USP34: variants seen among roughly 807,000 people sequenced by gnomAD.
USP34 encodes ubiquitin specific peptidase 34.
Under a neutral mutation model 460.3 loss-of-function variants are expected in USP34, and 70 were observed. The observed-to-expected ratio is 0.15, with a 90% CI of 0.13 to 0.19. USP34 has a LOEUF of 0.19. USP34 is among the 10% of genes least tolerant of loss of function. The probability of loss-of-function intolerance (pLI) is 1.00; values close to 1 mark genes in which losing one functional copy is unlikely to be tolerated. For synonymous variants in USP34, 1,647 were observed against 1,405.3 expected (o/e 1.17, Z -3.85); for missense variants, 3,985 against 4,236.2 (o/e 0.94, Z 1.65).
chr2:61,318,924 G>T (rs563160222), intron 22 of USP34, among the ~76,000 whole-genome samples: 1 of 152,138 alleles, frequency 6.6e-6, no homozygotes, highest in Non-Finnish European at 1.5e-5. Context: ...AAAAGTTATT[G>T]TAATTGTTGA....
chr2:61,395,832 G>C (rs534511223), intron 3 of USP34, among the ~76,000 whole-genome samples: 164 of 149,658 alleles, frequency 1.1e-3, no homozygotes, highest in African/African-American at 3.1e-3. Flanking sequence ...TTGGGAGGCC[G>C]AGGCGGGTGG....
At chr2:61,337,757 A>G (rs1224384432) in intron 18 of USP34, among the ~76,000 whole-genome samples, 1 of 152,098 alleles carries the variant, frequency 6.6e-6, no homozygotes, top group Non-Finnish European at 1.5e-5. Context: ...CGCCCGGCCT[A>G]GTTATTTTCA....
At position 61,319,552 on chromosome 2, in the gene USP34, A is replaced by T. The variant is rs1034028960; in HGVS notation, c.3014-225T>A. On this transcript the variant is annotated intron_variant, in intron 21 of 79. Coordinates refer to ENST00000398571, the MANE Select transcript of USP34 (RefSeq NM_014709.4). ...ATATTTATGATTAAAAAAAAAAAAA[A>T]GAATCACAGCAGCCAGGTGAAGTGG... is the stretch of plus-strand genomic sequence containing the variant. 2.1e-5 allele frequency among the ~76,000 whole-genome samples: 3 copies of T among 145,326 alleles called. No individual in the cohort carries two copies. In the Admixed American group the frequency reaches 2.1e-4, roughly 10 times the overall value.
At chr2:61,340,219 A>C (rs1395325541) in intron 16 of USP34, among the ~76,000 whole-genome samples, 2 of 152,132 alleles carry the variant, frequency 1.3e-5, no homozygotes, top group African/African-American at 2.4e-5. Flanking sequence ...AAAAAACTTA[A>C]CACTATTTTT....
chr2:61,366,407 G>A (rs1158996013), intron 10 of USP34, among the ~76,000 whole-genome samples: 2 of 152,126 alleles, frequency 1.3e-5, no homozygotes, highest in African/African-American at 4.8e-5. Flanking sequence ...CTTAAATGAA[G>A]TTTTCTATAA....
chr2:61,234,357 G>A (rs543635611), intron 57 of USP34, among the ~76,000 whole-genome samples: 67 of 152,280 alleles, frequency 4.4e-4, no homozygotes, highest in African/African-American at 1.6e-3. Context: ...TGCTAACCTA[G>A]AAGTTAAGAT....
chr2:61,448,303 T>C (rs1408791008), intron 1 of USP34, among the ~76,000 whole-genome samples: 1 of 152,136 alleles, frequency 6.6e-6, no homozygotes, highest in Non-Finnish European at 1.5e-5. Flanking sequence ...GTGAGATCTG[T>C]CTCTACAAAA....
intron 5 of USP34, among the ~76,000 whole-genome samples, chr2:61,385,671 CAAAAAA>C (rs61200102): frequency 2.0e-4 from 9 of 46,002 alleles, no homozygotes; most frequent in Admixed American, 3.7e-4. Context: ...GACTCTGTCT[CAAAAAA>C]AAAAAAAAAA....
intron 27 of USP34, among the ~76,000 whole-genome samples, chr2:61,308,892 A>T (rs1690496097): frequency 6.6e-6 from 1 of 152,044 alleles, no homozygotes; most frequent in Admixed American, 6.6e-5. Context: ...AATACAAAAA[A>T]TTACCCAGGG....
chr2:61,245,611 C>T (rs1688398372), intron 50 of USP34, among the ~76,000 whole-genome samples: 1 of 151,488 alleles, frequency 6.6e-6, no homozygotes, highest in Non-Finnish European at 1.5e-5. Flanking sequence ...TTCAAAGGTA[C>T]CATTTCAAAA....
chr2:61,244,722 A>G (rs1012486455), intron 51 of USP34, among the ~76,000 whole-genome samples: 29 of 152,182 alleles, frequency 1.9e-4, no homozygotes, highest in African/African-American at 7.0e-4. Flanking sequence ...TGTTATAAAA[A>G]GCACTGAAAG....
At chr2:61,372,127 T>C (rs1400034193) in intron 8 of USP34, among the ~76,000 whole-genome samples, 4 of 152,114 alleles carry the variant, frequency 2.6e-5, no homozygotes, top group East Asian at 1.9e-4. Context: ...CTATATTATA[T>C]ACAGATAAAC....
chr2:61,237,554 ATT>A (rs71403400), intron 53 of USP34, among the ~76,000 whole-genome samples: 4,298 of 44,528 alleles, frequency 0.097, 84 homozygotes, highest in South Asian at 0.18. Flanking sequence ...TTTTCTGTGG[ATT>A]TTTTTTTTTT....
chr2:61,428,451 T>C (rs1694573088), intron 1 of USP34, among the ~76,000 whole-genome samples: 1 of 152,180 alleles, frequency 6.6e-6, no homozygotes, highest in Non-Finnish European at 1.5e-5. Flanking sequence ...TTTGTAGCTG[T>C]TAATGTAATA....
chr2:61,380,462 G>C (rs375195240), intron 6 of USP34, 101 bp from the exon 7 acceptor site: 3 of 1,274,230 alleles, frequency 2.4e-6, no homozygotes, highest in African/African-American at 3.0e-5. Flanking sequence ...AACATTTTTT[G>C]TGTCCAAAAC....
intron 1 of USP34, among the ~76,000 whole-genome samples, chr2:61,469,549 A>C (rs778500769): frequency 1.1e-4 from 17 of 152,186 alleles, no homozygotes; most frequent in Non-Finnish European, 2.2e-4. Flanking sequence ...GAACCCTTCC[A>C]CTTTTATTAT....
chr2:61,387,929 A>ATATAAG (rs1491494968), intron 5 of USP34, among the ~76,000 whole-genome samples: 12 of 49,782 alleles, frequency 2.4e-4, no homozygotes, highest in African/African-American at 9.6e-4. Flanking sequence ...ATATATTTAT[A>ATATAAG]CACACACACA....
At chr2:61,219,570 C>A (rs1687498507) in intron 67 of USP34, among the ~76,000 whole-genome samples, 1 of 151,394 alleles carries the variant, frequency 6.6e-6, no homozygotes. Context: ...ACTCAGGAGG[C>A]TGAGGTGAAA....
intron 10 of USP34, 56 bp from the exon 11 acceptor site, chr2:61,350,749 T>C (rs1691920485): frequency 1.3e-5 from 20 of 1,549,004 alleles, no homozygotes; most frequent in Non-Finnish European, 1.6e-5. Context: ...ACATGTAGAT[T>C]ACCTGATATA....
Sources: gnomAD v4.1 joint callset for allele counts (sites outside exome capture counted in the v4.1 genomes callset) on GRCh38, gnomAD v4.1.1 for gene constraint, MANE v1.5 for transcripts, NCBI Gene and HGNC (gene_info 2026-07-23, HGNC 2026-07-21) for gene names.